Variants in PIGH observed in about 807,000 individuals in gnomAD.
PIGH encodes the protein phosphatidylinositol N-acetylglucosaminyltransferase subunit H.
PIGH carries 11 observed loss-of-function variants against 20.1 expected under a neutral mutation model. The observed-to-expected ratio is 0.55, with a 90% CI of 0.34 to 0.91. The LOEUF (loss-of-function observed/expected upper bound fraction) is 0.91. Among genes scored for constraint, PIGH ranks in the 40% least tolerant of loss-of-function variants. The pLI is 0.02. For missense variants in PIGH, 189 were observed against 233.6 expected (o/e 0.81, Z 1.24); for synonymous variants, 72 against 93.1 (o/e 0.77, Z 1.31).
chr14:67,595,860 T>G lies in PIGH; in HGVS notation c.181-1908A>C, dbSNP rs914658943. ...TAAGATGACAAGAGCCGGAATCAAA[T>G]GAGTCTCCACGTGAACTCTGGAGCC... is the stretch of plus-strand genomic sequence containing the variant. On this transcript the variant is annotated intron_variant, in intron 1 of 3. Coordinates refer to ENST00000216452, the MANE Select transcript of PIGH (RefSeq NM_004569.5). 2.0e-5 allele frequency among the ~76,000 whole-genome samples: 3 copies of G among 152,176 alleles called. No individual in the cohort carries two copies. In the South Asian group the frequency reaches 6.2e-4, roughly 31 times the overall value.
intron 2 of PIGH, 106 bp downstream of exon 2, chr14:67,593,637 T>G: frequency 1.5e-6 from 1 of 653,914 alleles, no homozygotes; most frequent in East Asian, 2.7e-5. Context: ...ATTTACCTTT[T>G]AAATATAAGT....
intron 2 of PIGH, chr14:67,593,528 A>G: frequency 1.8e-6 from 1 of 551,604 alleles, no homozygotes; most frequent in South Asian, 2.4e-5. Context: ...AGAGAAGGAA[A>G]AAATGCCAGT....
At chr14:67,592,351 G>A (rs1324614866) in intron 3 of PIGH, 2 of 448,454 alleles carry the variant, frequency 4.5e-6, no homozygotes, top group Admixed American at 3.5e-5. Context: ...GAGGCAGGAG[G>A]ATTTCTTGAG....
chr14:67,597,921 G>A (rs1474152863), intron 1 of PIGH, among the ~76,000 whole-genome samples: 6 of 152,074 alleles, frequency 3.9e-5, no homozygotes, highest in Admixed American at 3.9e-4. Flanking sequence ...GAACAACCTG[G>A]AACTTTAATA....
chr14:67,597,773 G>T (rs10150885), intron 1 of PIGH, among the ~76,000 whole-genome samples: 112 of 150,576 alleles, frequency 7.4e-4, no homozygotes, highest in Non-Finnish European at 7.6e-4. Flanking sequence ...AAAAAAAAAA[G>T]ACATTAAAGC....
At chr14:67,593,682 A>G (rs754038641) in intron 2 of PIGH, 61 bp downstream of exon 2, 1 of 925,168 alleles carries the variant, frequency 1.1e-6, no homozygotes, top group Non-Finnish European at 1.8e-6. Flanking sequence ...ATCTGGGAAC[A>G]TCCCATGGGC....
At chr14:67,599,399 G>A (rs971154037) in intron 1 of PIGH, among the ~76,000 whole-genome samples, 1 of 152,174 alleles carries the variant, frequency 6.6e-6, no homozygotes, top group African/African-American at 2.4e-5. Flanking sequence ...AAACAGGAAT[G>A]AATCTGGAAA....
chr14:67,596,295 ATT>A (rs772451900), intron 1 of PIGH, among the ~76,000 whole-genome samples: 2 of 60,226 alleles, frequency 3.3e-5, no homozygotes, highest in Admixed American at 3.0e-4. Context: ...CGCCCAGCTA[ATT>A]TTTTTTTTTT....
At position 67,600,077 on chromosome 14, in the gene PIGH, C is replaced by G. The variant is rs1403045019; in HGVS notation, c.127G>C (p.Ala43Pro). Residue 43 changes from alanine to proline, a missense_variant, in exon 1 of 4, where the codon GCT (alanine) becomes CCT (proline). Transcript: ENST00000216452. ...GCCAGCCACACCGTGCAGGTGACAG[C>G]GGTGAGCGAACGCAGCGAGAGCCGA... is the stretch of plus-strand genomic sequence containing the variant. ...CPRLSLRSLTAVTCTVWLAAY... is the reference protein window; with the variant it reads ...CPRLSLRSLTPVTCTVWLAAY... 3 of 1,592,756 alleles carry G rather than the reference C, an allele frequency of 1.9e-6. No homozygotes were observed. Among genetic ancestry groups the G allele is most frequent in the Middle Eastern group, 1.7e-4 (1 of 5,918 alleles).
Position 67,600,123 on chromosome 14 carries a change from C to T in PIGH, c.81G>A (p.Arg27=), listed in dbSNP as rs369535628. 6.3e-7 allele frequency: 1 copy of T among 1,597,276 alleles called. No homozygotes were observed. The highest frequency in any genetic ancestry group is 8.5e-7 in the Non-Finnish European group (1 of 1,172,566). ...LQRRYYSPSC[R]EFCLSCPRLS... ...GCCGAGGGCAGCTGAGGCAGAATTC[C>T]CGGCAGGACGGGGAGTAGTAGCGGC... Residue 27 remains arginine, a synonymous_variant, in exon 1 of 4, where the codon CGG becomes CGA. Transcript: ENST00000216452.
At chr14:67,590,223 T>A in intron 3 of PIGH, 51 bp from the exon 4 acceptor site, 1 of 1,420,230 alleles carries the variant, frequency 7.0e-7, no homozygotes, top group Non-Finnish European at 9.4e-7. Context: ...TATAAGGGAG[T>A]GCAGTGGTGC....
Position 67,600,156 on chromosome 14 carries a change from C to T in PIGH, c.48G>A (p.Ala16=), listed in dbSNP as rs1283474388. The T allele has an allele frequency of 6.3e-7, 1 of 1,590,424 alleles. No homozygotes were observed. Among genetic ancestry groups the T allele is most frequent in the Non-Finnish European group, 8.6e-7 (1 of 1,169,516 alleles). ...ACGGGGAGTAGTAGCGGCGCTGCAG[C>T]GCCAGGCGGCCGCCGCAGATATCCG... The part of the protein sequence containing the change: ...SFSDICGGRL[A]LQRRYYSPSC... The change falls in exon 1 of 4, where the codon GCG becomes GCA. Residue 16 remains alanine, a synonymous_variant. Coordinates refer to ENST00000216452, the MANE Select transcript of PIGH (RefSeq NM_004569.5).
rs12587848 is a variant in PIGH at position 67,600,254 on chromosome 14, G to A, written c.-51C>T. 6.5e-5 allele frequency: 94 copies of A among 1,443,640 alleles called. No individual in the cohort carries two copies. The Admixed American group carries it at 9.2e-4, about 14-fold the overall frequency. 89.4% of individuals were successfully genotyped at this position (1,443,640 alleles called of 1,614,324 possible). On this transcript the variant is annotated 5_prime_UTR_variant, in exon 1 of 4. Coordinates refer to ENST00000216452, the MANE Select transcript of PIGH (RefSeq NM_004569.5). ...CGCGCGGCGCTGCACTGCGCTCGCC[G>A]GCCCTGGCCGTCTCGCCCGCTCCAG...
At position 67,600,040 on chromosome 14, in the gene PIGH, A is replaced by T. The variant is rs200812062; in HGVS notation, c.164T>A (p.Leu55His). 107 of 1,573,616 alleles carry T rather than the reference A, an allele frequency of 6.8e-5. 1 individual carries two copies. In the East Asian group the frequency reaches 2.4e-3, roughly 36 times the overall value. The stretch of plus-strand genomic sequence containing the variant: ...TGCCATTACCTCGCAGAGGGTGAAG[A>T]GTCCGTAGGCCGCCAGCCACACCGT... ...TCTVWLAAYGLFTLCENSMIL... is the reference protein window; with the variant it reads ...TCTVWLAAYGHFTLCENSMIL... Residue 55 changes from leucine to histidine, a missense_variant, in exon 1 of 4, where the codon CTC becomes CAC. Coordinates refer to ENST00000216452, the MANE Select transcript of PIGH (RefSeq NM_004569.5).
chr14:67,599,812 T>C (rs878916899), intron 1 of PIGH, among the ~76,000 whole-genome samples: 3 of 152,140 alleles, frequency 2.0e-5, no homozygotes, highest in Admixed American at 2.0e-4. Flanking sequence ...GGAAGGGGAA[T>C]GTACTATCCA....
chr14:67,594,489 A>C (rs1204901127), intron 1 of PIGH, among the ~76,000 whole-genome samples: 1 of 151,936 alleles, frequency 6.6e-6, no homozygotes, highest in African/African-American at 2.4e-5. Flanking sequence ...ACTACTAAAA[A>C]TACAAAAAGT....
rs10162 is a variant in PIGH at position 67,589,375 on chromosome 14, T to C, written c.*705A>G. 2,894 of 984,662 alleles carry C rather than the reference T, an allele frequency of 2.9e-3. 53 individuals are homozygous for C. In the African/African-American group the frequency reaches 0.045, roughly 15 times the overall value. 61.0% of individuals were successfully genotyped at this position (984,662 alleles called of 1,614,324 possible). Reference sequence around the variant, plus strand: ...CCCATGTCTGAAAACCAAAGTCCAATTTCTGTCTGGCCTTTTGTCTCATCC... The same window carrying C: ...CCCATGTCTGAAAACCAAAGTCCAACTTCTGTCTGGCCTTTTGTCTCATCC... On this transcript the variant is annotated 3_prime_UTR_variant, in exon 4 of 4. Coordinates refer to ENST00000216452, the MANE Select transcript of PIGH (RefSeq NM_004569.5).
intron 1 of PIGH, among the ~76,000 whole-genome samples, chr14:67,595,717 G>T (rs1419288202): frequency 1.3e-5 from 2 of 152,102 alleles, no homozygotes; most frequent in African/African-American, 4.8e-5. Context: ...TATGGCCTCT[G>T]CCAGACCCAG....
In PIGH at chr14:67,589,857, C is replaced by T. The variant is rs551318825; in HGVS notation, c.*223G>A. On this transcript the variant is annotated 3_prime_UTR_variant, in exon 4 of 4. Transcript: ENST00000216452. Reference sequence around the variant, plus strand: ...TGTCAAAATTCTTAAGGTCTCCCCTCCTTTGGTAAAGTAGGCAAAACCTTA... The same window carrying T: ...TGTCAAAATTCTTAAGGTCTCCCCTTCTTTGGTAAAGTAGGCAAAACCTTA... 9 of 1,213,682 alleles carry T rather than the reference C, an allele frequency of 7.4e-6. No individual in the cohort carries two copies. The South Asian group carries it at 2.9e-4, about 39-fold the overall frequency. The allele number at this position is 1,213,682 out of a possible 1,614,324, so 75.2% of individuals were successfully genotyped here. A position where few individuals can be genotyped will look rare whatever the true frequency, so the allele number is the denominator to read the frequency against.
Sources: allele counts gnomAD v4.1 joint callset (sites outside exome capture counted in the v4.1 genomes callset), GRCh38; gene constraint gnomAD v4.1.1; transcripts MANE v1.5; gene names NCBI Gene and HGNC (gene_info 2026-07-23, HGNC 2026-07-21).